Variants in OAS1 observed in about 807,000 individuals in gnomAD.
The protein encoded by OAS1 is 2'-5'-oligoadenylate synthase 1.
OAS1 carries 24 observed loss-of-function variants against 38.5 expected under a neutral mutation model. The ratio of observed to expected loss-of-function variants is 0.62; its 90% CI spans 0.45 to 0.88. The LOEUF is 0.88. OAS1 is among the 40% of genes least tolerant of loss of function. The pLI is 0.00. For missense variants in OAS1, 482 were observed against 493.9 expected, an observed-to-expected ratio of 0.98 and a Z score of 0.23; for synonymous variants, 169 against 193.9, an observed-to-expected ratio of 0.87 and a Z score of 1.07.
chr12:112,908,588 T>C lies in OAS1; in HGVS notation c.233T>C (p.Leu78Pro). 1 of 1,614,114 alleles carries C rather than the reference T, an allele frequency of 6.2e-7. No individual in the cohort carries two copies. The highest frequency in any genetic ancestry group is 8.5e-7 in the Non-Finnish European group (1 of 1,179,994). The change falls in exon 2 of 6, where the codon CTG becomes CCG. Residue 78 changes from leucine to proline, a missense_variant. By Grantham distance (98) the Leu-to-Pro change is moderately conservative. Coordinates refer to ENST00000202917, the MANE Select transcript of OAS1 (RefSeq NM_016816.4). The stretch of plus-strand genomic sequence containing the variant: ...CTCAGAGGCCGATCTGACGCTGACC[T>C]GGTTGTCTTCCTCAGTCCTCTCACC... Reference protein sequence around the residue: ...TTLRGRSDADLVVFLSPLTTF... With the variant: ...TTLRGRSDADPVVFLSPLTTF...
rs913797298 is a variant in OAS1 at position 112,917,861 on chromosome 12, G to T, written c.1038+161G>T. The stretch of plus-strand genomic sequence containing the variant: ...GTGCTCCATATTTTACAGTCATTTT[G>T]GTCACAATCGAGGGTTTCTGGAATT... On this transcript the variant is annotated intron_variant, in intron 5 of 5. Transcript: ENST00000202917. The T allele has an allele frequency of 3.9e-6, 6 of 1,523,708 alleles. No homozygotes were observed. The African/African-American group carries it at 5.5e-5, about 14-fold the overall frequency. 94.4% of individuals were successfully genotyped at this position (1,523,708 alleles called of 1,614,324 possible).
downstream of OAS1, among the ~76,000 whole-genome samples, chr12:112,923,489 C>A (rs1369666350): frequency 6.6e-6 from 1 of 152,180 alleles, no homozygotes; most frequent in Non-Finnish European, 1.5e-5. Context: ...TTTTCATAGA[C>A]CTGTTATCCA....
At chr12:112,921,687 G>A (rs111290869), downstream of OAS1, among the ~76,000 whole-genome samples, 329 of 152,278 alleles carry the variant, frequency 2.2e-3, 2 homozygotes, top group African/African-American at 7.7e-3. Flanking sequence ...GGCTGGTGTG[G>A]GCCAAGTAGA....
intron 5 of OAS1, chr12:112,918,865 G>T (rs564692542): frequency 3.7e-6 from 1 of 271,236 alleles, no homozygotes; most frequent in African/African-American, 2.2e-5. Flanking sequence ...GATTCCAGGG[G>T]ATTGATGATG....
At chr12:112,925,812 A>G (rs1472084055) in intron 6 of OAS1, among the ~76,000 whole-genome samples, 1 of 152,192 alleles carries the variant, frequency 6.6e-6, no homozygotes, top group Admixed American at 6.5e-5. Flanking sequence ...ATAAATACAT[A>G]AATAAATTTG....
intron 6 of OAS1, among the ~76,000 whole-genome samples, chr12:112,926,775 G>A (rs1288705351): frequency 4.6e-5 from 7 of 152,206 alleles, no homozygotes; most frequent in Admixed American, 3.9e-4. Context: ...GAATTCGCCA[G>A]GCTGGAATTT....
intron 6 of OAS1, among the ~76,000 whole-genome samples, chr12:112,926,519 C>T (rs190634852): frequency 4.6e-5 from 7 of 150,976 alleles, no homozygotes; most frequent in South Asian, 2.1e-4. Flanking sequence ...TGTGGTGCCC[C>T]CTGAGCCATA....
chr12:112,907,929 G>A (rs1348638772), intron 1 of OAS1, among the ~76,000 whole-genome samples: 1 of 152,216 alleles, frequency 6.6e-6, no homozygotes, highest in Non-Finnish European at 1.5e-5. Flanking sequence ...CCCTGTAACT[G>A]TTTGAGAAAC....
rs746801008 is a variant in OAS1, at chr12:112,917,720, C to G, written c.1038+20C>G. 6.2e-7 allele frequency: 1 copy of G among 1,614,198 alleles called. No homozygotes were observed. Among genetic ancestry groups the G allele is most frequent in the Admixed American group, 1.7e-5 (1 of 60,024 alleles). On this transcript the variant is annotated intron_variant, in intron 5 of 5. Transcript: ENST00000202917. ...CTGCTGGTGAGACCTCCTGCTTCCT[C>G]CCTGCCATTCATCCCTGCCCCTCTC...
chr12:112,919,873 A>C lies in OAS1; in HGVS notation c.*320A>C. ...ATGGGAGGGTAATGTCTAATGTATT[A>C]TCAATAACAATAAAAATAAAGCAAA... is the stretch of plus-strand genomic sequence containing the variant. On this transcript the variant is annotated 3_prime_UTR_variant, in exon 6 of 6. Coordinates refer to ENST00000202917, the MANE Select transcript of OAS1 (RefSeq NM_016816.4). 3 of 781,218 alleles carry C rather than the reference A, an allele frequency of 3.8e-6. No homozygotes were observed. The highest frequency in any genetic ancestry group is 5.9e-6 in the Non-Finnish European group (3 of 512,360). The allele number at this position is 781,218 out of a possible 1,614,324, so 48.4% of individuals were successfully genotyped here.
At position 112,916,708 on chromosome 12, in the gene OAS1, A is replaced by T. The variant is rs748235063; in HGVS notation, c.854A>T (p.Lys285Met). The change falls in exon 4 of 6, where the codon AAG becomes ATG. Residue 285 changes from lysine (K) to methionine (M), a missense_variant. By Grantham distance (95) the Lys-to-Met change is moderately conservative. Transcript: ENST00000202917. ...YYDFKNPIIEKYLRRQLTKPR... is the reference protein window; with the variant it reads ...YYDFKNPIIEMYLRRQLTKPR... ...GACTTTAAAAACCCCATTATTGAAA[A>T]GTACCTGAGAAGGCAGCTCACGAAA... 1.2e-6 allele frequency: 2 copies of T among 1,614,212 alleles called. No homozygotes were observed. The highest frequency in any genetic ancestry group is 4.5e-5 in the East Asian group (2 of 44,892).
At chr12:112,920,411 A>C (rs187621219), downstream of OAS1, among the ~76,000 whole-genome samples, 2 of 152,362 alleles carry the variant, frequency 1.3e-5, no homozygotes, top group East Asian at 3.8e-4. Flanking sequence ...GTTCTTGCCA[A>C]CTGATAATTT....
Position 112,911,077 on chromosome 12 carries a change from A to G in OAS1, c.496A>G (p.Asn166Asp), listed in dbSNP as rs1037112671. ...TCAGTTGACTGGCGGCTATAAACCT[A>G]ACCCCCAAATCTATGTCAAGCTCAT... ...LGQLTGGYKP[N>D]PQIYVKLIEE... The change falls in exon 3 of 6, where the codon AAC becomes GAC. Residue 166 changes from asparagine to aspartate, a missense_variant. Asn to Asp is a conservative substitution (Grantham distance 23, BLOSUM62 1). Coordinates refer to ENST00000202917, the MANE Select transcript of OAS1 (RefSeq NM_016816.4). 6.6e-5 allele frequency: 106 copies of G among 1,613,836 alleles called. 1 individual carries two copies. The highest frequency in any genetic ancestry group is 8.4e-5 in the Non-Finnish European group (99 of 1,179,938).
chr12:112,915,393 T>C (rs1362424922), intron 3 of OAS1, among the ~76,000 whole-genome samples: 1 of 152,222 alleles, frequency 6.6e-6, no homozygotes, highest in Non-Finnish European at 1.5e-5. Flanking sequence ...CCCCATTTTA[T>C]GTTTTTGTTT....
chr12:112,908,563 C>G lies in OAS1; in HGVS notation c.208C>G (p.Leu70Val), dbSNP rs1299382612. The change falls in exon 2 of 6, where the codon CTC (leucine) becomes GTC (valine). Residue 70 changes from leucine to valine, a missense_variant. Leu to Val is a conservative substitution (Grantham distance 32, BLOSUM62 1). Coordinates refer to ENST00000202917, the MANE Select transcript of OAS1 (RefSeq NM_016816.4). ...KGGSSGKGTTLRGRSDADLVV... is the reference protein window; with the variant it reads ...KGGSSGKGTTVRGRSDADLVV... ...TGGCTCCTCAGGCAAGGGCACCACC[C>G]TCAGAGGCCGATCTGACGCTGACCT... 1 of 1,614,024 alleles carries G rather than the reference C, an allele frequency of 6.2e-7. No homozygotes were observed. Among genetic ancestry groups the G allele is most frequent in the Non-Finnish European group, 8.5e-7 (1 of 1,179,912 alleles).
chr12:112,922,759 A>G (rs1343076761), downstream of OAS1, among the ~76,000 whole-genome samples: 1 of 152,042 alleles, frequency 6.6e-6, no homozygotes, highest in Admixed American at 6.5e-5. Context: ...GCCTCTTAAT[A>G]CCTTCTTCCA....
downstream of OAS1, among the ~76,000 whole-genome samples, chr12:112,920,328 A>G (rs1003603797): frequency 6.6e-6 from 1 of 152,252 alleles, no homozygotes; most frequent in African/African-American, 2.4e-5. Flanking sequence ...TAGCTAGTCT[A>G]AATCTACATG....
chr12:112,916,457 A>C, intron 3 of OAS1, 52 bp from the exon 4 acceptor site: 1 of 1,424,594 alleles, frequency 7.0e-7, no homozygotes, highest in East Asian at 2.3e-5. Flanking sequence ...AGTGTAGTTT[A>C]CACAAAAGTT....
At chr12:112,907,318 AC>A in intron 1 of OAS1, 99 bp downstream of exon 1, 1 of 1,231,922 alleles carries the variant, frequency 8.1e-7, no homozygotes, top group Non-Finnish European at 1.2e-6. Context: ...AAAACCTAGA[AC>A]CCAGGGTGCA....
Sources: allele counts gnomAD v4.1 joint callset (sites outside exome capture counted in the v4.1 genomes callset), GRCh38; gene constraint gnomAD v4.1.1; transcripts MANE v1.5; gene names NCBI Gene and HGNC (gene_info 2026-07-23, HGNC 2026-07-21).